The following TFPI variants were observed in gnomAD, a reference collection of about 807,000 sequenced individuals.
The protein encoded by TFPI is anti-convertin.
In TFPI, 15 loss-of-function variants were observed where a neutral mutation model predicts 34.6. The observed-to-expected ratio is 0.43, with a 90% CI of 0.29 to 0.67. The LOEUF (loss-of-function observed/expected upper bound fraction) is 0.67. Among genes scored for constraint, TFPI ranks in the 30% least tolerant of loss-of-function variants. TFPI has a pLI of 0.15. For missense variants in TFPI, 301 were observed against 364.0 expected, an observed-to-expected ratio of 0.83 and a Z score of 1.41; for synonymous variants, 105 against 120.1, an observed-to-expected ratio of 0.87 and a Z score of 0.82.
At chr2:187,498,392 A>G (rs754002790) in intron 2 of TFPI, among the ~76,000 whole-genome samples, 10 of 151,882 alleles carry the variant, frequency 6.6e-5, no homozygotes, top group Middle Eastern at 3.4e-3. Flanking sequence ...ATCAATTTTG[A>G]ATTAATAGCA....
chr2:187,468,225 CTT>C (rs777842504), intron 6 of TFPI, among the ~76,000 whole-genome samples: 3 of 151,594 alleles, frequency 2.0e-5, no homozygotes, highest in Non-Finnish European at 4.4e-5. Context: ...AAAAACCACT[CTT>C]CAACAATGTA....
chr2:187,503,857 A>G (rs979414252), intron 1 of TFPI, 87 bp from the exon 2 acceptor site: 9 of 1,433,038 alleles, frequency 6.3e-6, no homozygotes, highest in Non-Finnish European at 8.5e-6. Context: ...TGTGTACCTC[A>G]TATGCAAATT....
At chr2:187,500,840 G>A (rs1314535461) in intron 2 of TFPI, among the ~76,000 whole-genome samples, 1 of 152,142 alleles carries the variant, frequency 6.6e-6, no homozygotes, top group African/African-American at 2.4e-5. Context: ...ATGGAAATCT[G>A]CCTCGGTTTT....
intron 1 of TFPI, among the ~76,000 whole-genome samples, chr2:187,512,765 A>G (rs966195073): frequency 3.3e-5 from 5 of 151,066 alleles, no homozygotes; most frequent in Admixed American, 6.6e-5. Context: ...AAAAAAAGGG[A>G]AAAAAAGTTG....
intron 1 of TFPI, among the ~76,000 whole-genome samples, chr2:187,531,509 C>A (rs1053500539): frequency 1.3e-5 from 2 of 151,768 alleles, no homozygotes; most frequent in African/African-American, 4.8e-5. Flanking sequence ...TTTTTGCAAC[C>A]ATTTGATTAT....
chr2:187,473,168 T>C (rs1417763653), intron 6 of TFPI, among the ~76,000 whole-genome samples: 3 of 152,114 alleles, frequency 2.0e-5, no homozygotes, highest in African/African-American at 7.2e-5. Flanking sequence ...AATACATACA[T>C]ATATATACAA....
intron 1 of TFPI, among the ~76,000 whole-genome samples, chr2:187,532,977 A>T (rs1303817987): frequency 1.3e-5 from 2 of 151,334 alleles, no homozygotes; most frequent in Non-Finnish European, 3.0e-5. Flanking sequence ...GTTCCAGCAC[A>T]GCTCCTCAAA....
At chr2:187,467,083 A>G (rs1450933407) in intron 7 of TFPI, 41 bp from the exon 8 acceptor site, 2 of 1,246,992 alleles carry the variant, frequency 1.6e-6, no homozygotes, top group Non-Finnish European at 2.3e-6. Flanking sequence ...TGATAAAATA[A>G]CACAATGAAA....
chr2:187,547,921 T>C (rs926329274), intron 1 of TFPI, among the ~76,000 whole-genome samples: 1 of 152,150 alleles, frequency 6.6e-6, no homozygotes, highest in Non-Finnish European at 1.5e-5. Flanking sequence ...ATTGTAATTT[T>C]CTGGGAATGG....
At chr2:187,534,782 A>G (rs1688151194) in intron 1 of TFPI, among the ~76,000 whole-genome samples, 1 of 152,162 alleles carries the variant, frequency 6.6e-6, no homozygotes, top group African/African-American at 2.4e-5. Flanking sequence ...GGCAAATTAG[A>G]TAGAGTCAAA....
At chr2:187,546,031 C>T (rs1260514420) in intron 1 of TFPI, among the ~76,000 whole-genome samples, 2 of 151,974 alleles carry the variant, frequency 1.3e-5, no homozygotes, top group East Asian at 3.8e-4. Flanking sequence ...AACATGTAAA[C>T]ACATTTCTTA....
chr2:187,526,410 A>G (rs1687679123), intron 1 of TFPI, among the ~76,000 whole-genome samples: 1 of 152,172 alleles, frequency 6.6e-6, no homozygotes, highest in Non-Finnish European at 1.5e-5. Context: ...GGCCAGAAGA[A>G]AAAACCTCGA....
chr2:187,513,983 C>T (rs1686824923), intron 1 of TFPI: 2 of 152,254 alleles, frequency 1.3e-5, no homozygotes. Context: ...TAAATTGGGA[C>T]CATTTAATCC....
chr2:187,512,029 A>G (rs750889351), intron 1 of TFPI, among the ~76,000 whole-genome samples: 1 of 152,220 alleles, frequency 6.6e-6, no homozygotes, highest in Non-Finnish European at 1.5e-5. Flanking sequence ...GGTATTATCC[A>G]TAACCCTATA....
chr2:187,520,468 G>A (rs1687304887), intron 1 of TFPI: 2 of 152,172 alleles, frequency 1.3e-5, no homozygotes, highest in South Asian at 4.1e-4. Context: ...GCCCTCTATG[G>A]GCTGCACCCC....
At chr2:187,540,648 G>T (rs1688528824) in intron 1 of TFPI, among the ~76,000 whole-genome samples, 1 of 152,086 alleles carries the variant, frequency 6.6e-6, no homozygotes, top group Admixed American at 6.5e-5. Context: ...CCAACGCTTT[G>T]GGAGGCCAAA....
intron 1 of TFPI, among the ~76,000 whole-genome samples, chr2:187,531,228 C>T (rs1687940226): frequency 6.6e-6 from 1 of 152,116 alleles, no homozygotes; most frequent in Non-Finnish European, 1.5e-5. Flanking sequence ...GAGGCTGCTG[C>T]AGTAAACTTA....
chr2:187,493,097 G>A (rs1309912984), intron 3 of TFPI, among the ~76,000 whole-genome samples: 6 of 152,100 alleles, frequency 3.9e-5, no homozygotes, highest in African/African-American at 1.4e-4. Context: ...TCTAGCAGAG[G>A]TTCTCCATGA....
chr2:187,494,181 C>G (rs1337744553), intron 3 of TFPI, among the ~76,000 whole-genome samples: 1 of 151,946 alleles, frequency 6.6e-6, no homozygotes, highest in Non-Finnish European at 1.5e-5. Context: ...ACCACCTTCC[C>G]CCCCGCCCCA....
Sources: allele counts gnomAD v4.1 joint callset (sites outside exome capture counted in the v4.1 genomes callset), GRCh38; gene constraint gnomAD v4.1.1; transcripts MANE v1.5; gene names NCBI Gene and HGNC (gene_info 2026-07-23, HGNC 2026-07-21).